The following MCPH1 variants were observed in gnomAD, a reference collection of about 807,000 sequenced individuals.
The protein encoded by MCPH1 is microcephalin.
In MCPH1, 104 loss-of-function variants were observed where a neutral mutation model predicts 84.5. The ratio of observed to expected loss-of-function variants is 1.23; its 90% CI spans 1.05 to 1.45. MCPH1 has a LOEUF of 1.45. Ranked by LOEUF, MCPH1 falls within the 40% of genes most tolerant of loss-of-function variation. The pLI is 0.00. For missense variants in MCPH1, 1,498 were observed against 1,005.7 expected (o/e 1.49, Z -6.62); for synonymous variants, 514 against 366.8 (o/e 1.40, Z -4.58).
chr8:6,617,883 T>C (rs115070989), intron 12 of MCPH1, among the ~76,000 whole-genome samples: 3,842 of 136,772 alleles, frequency 0.028, 167 homozygotes, highest in African/African-American at 0.095. Context: ...ATCATCCATC[T>C]ATCTATCTAT....
At chr8:6,445,673 A>G in intron 8 of MCPH1, 126 bp downstream of exon 8, 2 of 1,450,074 alleles carry the variant, frequency 1.4e-6, no homozygotes, top group Non-Finnish European at 1.8e-6. Flanking sequence ...TACTTAAAGA[A>G]TGTGCATTTG....
rs984451005 is a variant in MCPH1, at chr8:6,643,189, G to A, written c.*140G>A. On this transcript the variant is annotated 3_prime_UTR_variant, in exon 14 of 14. Transcript: ENST00000344683. ...GATATCATGTTTGCCATGTGTTGTG[G>A]TTCTTAAGAACTCATAGGTGACTTT... 3.9e-6 allele frequency: 3 copies of A among 773,428 alleles called. No homozygotes were observed. The highest frequency in any genetic ancestry group is 6.7e-6 in the Non-Finnish European group (3 of 446,226). The allele number at this position is 773,428 out of a possible 1,614,324, so 47.9% of individuals were successfully genotyped here. A position where few individuals can be genotyped will look rare whatever the true frequency, so the allele number is the denominator to read the frequency against.
intron 12 of MCPH1, among the ~76,000 whole-genome samples, chr8:6,578,957 A>G (rs1214978967): frequency 6.6e-6 from 1 of 152,182 alleles, no homozygotes; most frequent in Non-Finnish European, 1.5e-5. Flanking sequence ...TGGCCTGGAA[A>G]TCCTAGCATT....
chr8:6,499,591 T>C (rs1811751153), intron 11 of MCPH1: 1 of 304,266 alleles, frequency 3.3e-6, no homozygotes, highest in African/African-American at 2.1e-5. Flanking sequence ...AAAAACAGGA[T>C]AATATTTAAA....
At chr8:6,562,578 T>TTTTTTTTTTTTTA in intron 12 of MCPH1, 19 of 880,180 alleles carry the variant, frequency 2.2e-5, no homozygotes, top group Non-Finnish European at 2.8e-5. Flanking sequence ...TTTTGGTTGT[T>TTTTTTTTTTTTTA]AAAACCTGAG....
chr8:6,596,751 C>G (rs879748142), intron 12 of MCPH1, among the ~76,000 whole-genome samples: 2 of 152,152 alleles, frequency 1.3e-5, no homozygotes, highest in African/African-American at 4.8e-5. Flanking sequence ...GAACTGAAAA[C>G]CCCAGCCAGA....
chr8:6,408,170 C>A (rs972183414), intron 1 of MCPH1, among the ~76,000 whole-genome samples: 1 of 152,184 alleles, frequency 6.6e-6, no homozygotes, highest in East Asian at 1.9e-4. Flanking sequence ...TGTATGGGTA[C>A]AGTTGTTCTT....
chr8:6,544,799 A>G (rs1256014166), intron 12 of MCPH1, among the ~76,000 whole-genome samples: 1 of 152,202 alleles, frequency 6.6e-6, no homozygotes, highest in African/African-American at 2.4e-5. Flanking sequence ...CCTGACTTGA[A>G]TCTATAACAT....
rs115827633 is a variant in MCPH1, at chr8:6,590,117, G to T, written c.2215-31337G>T. Among the ~76,000 whole-genome samples the T allele has an allele frequency of 2.5e-3, 377 of 151,640 alleles. 1 individual carries two copies. The highest frequency in any genetic ancestry group is 9.0e-3 in the African/African-American group (372 of 41,310). On this transcript the variant is annotated intron_variant, in intron 12 of 13. Coordinates refer to ENST00000344683, the MANE Select transcript of MCPH1 (RefSeq NM_024596.5). ...GAGGAACATTTGGTGCCGGAAGAAT[G>T]ATTAGGTAAAGCACACCAAGCTGAA...
At chr8:6,480,630 T>A in intron 10 of MCPH1, 84 bp from the exon 11 acceptor site, 3 of 1,501,508 alleles carry the variant, frequency 2.0e-6, no homozygotes, top group South Asian at 1.1e-5. Flanking sequence ...CTAGTTTTAT[T>A]AGTACTAATA....
At chr8:6,422,852 C>G (rs572289130) in intron 3 of MCPH1, among the ~76,000 whole-genome samples, 183 of 152,124 alleles carry the variant, frequency 1.2e-3, no homozygotes, top group African/African-American at 4.2e-3. Flanking sequence ...CCACGCCCGG[C>G]TAATTTTTTG....
chr8:6,418,117 C>T (rs1321115137), intron 3 of MCPH1, among the ~76,000 whole-genome samples: 1 of 152,106 alleles, frequency 6.6e-6, no homozygotes, highest in Non-Finnish European at 1.5e-5. Flanking sequence ...GGGGTTTCTC[C>T]TATGGTTCTC....
At chr8:6,620,351 G>A (rs1586829800) in intron 12 of MCPH1, 1 of 152,326 alleles carries the variant, frequency 6.6e-6, no homozygotes, top group East Asian at 1.9e-4. Flanking sequence ...AAATATTACA[G>A]TAGTAGGAAA....
At chr8:6,623,984 C>T (rs567407226) in intron 13 of MCPH1, among the ~76,000 whole-genome samples, 84 of 152,316 alleles carry the variant, frequency 5.5e-4, no homozygotes, top group South Asian at 1.0e-3. Context: ...AAGCGTGTGC[C>T]GTGCAGTGCC....
At chr8:6,410,605 G>C (rs768832601) in intron 2 of MCPH1, among the ~76,000 whole-genome samples, 6 of 152,106 alleles carry the variant, frequency 3.9e-5, no homozygotes, top group African/African-American at 1.4e-4. Context: ...GGTATCTTTT[G>C]CCCACGCACA....
In MCPH1 at chr8:6,647,244, G is replaced by C. The variant is rs964938847; in HGVS notation, c.*4195G>C. 7.2e-5 allele frequency: 11 copies of C among 152,164 alleles called. No individual in the cohort carries two copies. Among genetic ancestry groups the C allele is most frequent in the Admixed American group, 5.9e-4 (9 of 15,276 alleles). The allele number at this position is 152,164 out of a possible 1,614,324, so 9.4% of individuals were successfully genotyped here. A position where few individuals can be genotyped will look rare whatever the true frequency, so the allele number is the denominator to read the frequency against. On this transcript the variant is annotated 3_prime_UTR_variant, in exon 14 of 14. Coordinates refer to ENST00000344683, the MANE Select transcript of MCPH1 (RefSeq NM_024596.5). Reference sequence around the variant, plus strand: ...TGAAATACCTATTACACACCCATTAGAATGACTGTAAACAACAAGACTGAT... The same window carrying C: ...TGAAATACCTATTACACACCCATTACAATGACTGTAAACAACAAGACTGAT...
chr8:6,549,347 G>GGA (rs1823176587), intron 12 of MCPH1, among the ~76,000 whole-genome samples: 3 of 152,202 alleles, frequency 2.0e-5, no homozygotes, highest in Non-Finnish European at 4.4e-5. Flanking sequence ...AGACCAAAAA[G>GGA]GAGTATGTAC....
chr8:6,426,147 C>A (rs1159939436), intron 3 of MCPH1, among the ~76,000 whole-genome samples: 1 of 152,188 alleles, frequency 6.6e-6, no homozygotes, highest in Non-Finnish European at 1.5e-5. Context: ...ATTCTGCTCA[C>A]CCCATTATTG....
rs1267874767 is a variant in MCPH1, at chr8:6,646,222, T to G, written c.*3173T>G. 2 of 152,036 alleles carry G rather than the reference T, an allele frequency of 1.3e-5. No homozygotes were observed. The highest frequency in any genetic ancestry group is 1.3e-4 in the Admixed American group (2 of 15,248). 9.4% of individuals were successfully genotyped at this position (152,036 alleles called of 1,614,324 possible). ...GGTGGATCACTTGAAGTCGGGAGTT[T>G]AAGACCAGCCTGGCCAACTTGGTGA... On this transcript the variant is annotated 3_prime_UTR_variant, in exon 14 of 14. Transcript: ENST00000344683.
Sources: allele counts gnomAD v4.1 joint callset (sites outside exome capture counted in the v4.1 genomes callset), GRCh38; gene constraint gnomAD v4.1.1; transcripts MANE v1.5; gene names NCBI Gene and HGNC (gene_info 2026-07-23, HGNC 2026-07-21).